The following GRID1 variants were observed in gnomAD, a reference collection of about 807,000 sequenced individuals.
GRID1 encodes the protein glutamate ionotropic receptor delta type subunit 1, also known as glutamate receptor ionotropic, delta-1.
GRID1 carries 28 observed loss-of-function variants against 98.0 expected under a neutral mutation model. The observed-to-expected ratio is 0.29, with a 90% CI of 0.21 to 0.39. The LOEUF is 0.39. GRID1 is among the 10% of genes least tolerant of loss of function. The probability of loss-of-function intolerance (pLI) is 1.00; values close to 1 mark genes in which losing one functional copy is unlikely to be tolerated. For missense variants in GRID1, 1,111 were observed against 1,340.5 expected, an observed-to-expected ratio of 0.83 and a Z score of 2.67; for synonymous variants, 553 against 538.5, an observed-to-expected ratio of 1.03 and a Z score of -0.37.
intron 4 of GRID1, among the ~76,000 whole-genome samples, chr10:86,020,519 C>T (rs938939157): frequency 6.6e-6 from 1 of 152,232 alleles, no homozygotes; most frequent in Non-Finnish European, 1.5e-5. Flanking sequence ...TGCTTATTTG[C>T]TCAGTGACCT....
At chr10:86,320,916 G>A (rs1442040041) in intron 2 of GRID1, among the ~76,000 whole-genome samples, 3 of 151,930 alleles carry the variant, frequency 2.0e-5, no homozygotes, top group African/African-American at 4.8e-5. Context: ...TGGCTAACAC[G>A]GTGAAACCCC....
At chr10:86,144,729 TCTC>T (rs1564689133) in intron 3 of GRID1, among the ~76,000 whole-genome samples, 1 of 151,952 alleles carries the variant, frequency 6.6e-6, no homozygotes, top group Non-Finnish European at 1.5e-5. Context: ...CCGCTCCCCT[TCTC>T]CTCCTTCACA....
intron 3 of GRID1, among the ~76,000 whole-genome samples, chr10:86,148,552 T>C (rs1267429067): frequency 1.3e-5 from 2 of 152,178 alleles, no homozygotes; most frequent in Non-Finnish European, 2.9e-5. Flanking sequence ...TGTATAAATG[T>C]TGACTATAGT....
At chr10:86,053,990 A>C (rs1843539770) in intron 4 of GRID1, among the ~76,000 whole-genome samples, 2 of 152,222 alleles carry the variant, frequency 1.3e-5, no homozygotes, top group African/African-American at 2.4e-5. Flanking sequence ...CTTCTGCCTA[A>C]AATGGAACCT....
At chr10:85,915,931 C>T (rs1315833009) in intron 5 of GRID1, among the ~76,000 whole-genome samples, 1 of 152,184 alleles carries the variant, frequency 6.6e-6, no homozygotes. Context: ...CACACCTCAT[C>T]CCTGCCACCA....
intron 4 of GRID1, among the ~76,000 whole-genome samples, chr10:85,989,268 T>C (rs1353466101): frequency 1.3e-5 from 2 of 152,204 alleles, no homozygotes; most frequent in Non-Finnish European, 2.9e-5. Flanking sequence ...CTGTAGGAAT[T>C]AGCTTGCCCT....
chr10:85,959,559 G>A (rs1476262475), intron 4 of GRID1, among the ~76,000 whole-genome samples: 1 of 138,802 alleles, frequency 7.2e-6, no homozygotes, highest in Admixed American at 7.8e-5. Flanking sequence ...GGCAACCACT[G>A]GTCTGCTTTC....
chr10:85,906,180 G>A (rs1252981560), intron 5 of GRID1, among the ~76,000 whole-genome samples: 1 of 152,082 alleles, frequency 6.6e-6, no homozygotes, highest in East Asian at 1.9e-4. Flanking sequence ...CCTAATGATA[G>A]AGGGTTAATA....
At chr10:85,704,749 C>T (rs909406690) in intron 12 of GRID1, among the ~76,000 whole-genome samples, 5 of 152,154 alleles carry the variant, frequency 3.3e-5, no homozygotes, top group African/African-American at 7.2e-5. Flanking sequence ...TGTAAAAGAA[C>T]AGAAATTATA....
In GRID1 at chr10:85,952,844, C is replaced by T. The variant is rs182593028; in HGVS notation, c.727-36605G>A. Among the ~76,000 whole-genome samples the T allele has an allele frequency of 9.9e-4, 151 of 152,250 alleles. 1 individual carries two copies. The East Asian group carries it at 0.028, about 28-fold the overall frequency. ...CATTTACACTCAGATTTTCTTCTGC[C>T]TCTTCCACCCCTAGAGAGCAAGACC... On this transcript the variant is annotated intron_variant, in intron 4 of 15. Transcript: ENST00000327946.
Position 85,752,099 on chromosome 10 carries a change from C to T in GRID1, c.1234-22485G>A, listed in dbSNP as rs1221255114. 2.0e-5 allele frequency among the ~76,000 whole-genome samples: 3 copies of T among 152,160 alleles called. No individual in the cohort carries two copies. In the East Asian group the frequency reaches 5.8e-4, roughly 29 times the overall value. On this transcript the variant is annotated intron_variant, in intron 8 of 15. Transcript: ENST00000327946. ...CAAACTGTAGAAAGAGTCGATGACC[C>T]TCTTGAGTGTATCTTTATGAGCCTT...
intron 2 of GRID1, among the ~76,000 whole-genome samples, chr10:86,304,696 G>A (rs1266743507): frequency 1.3e-5 from 2 of 152,226 alleles, no homozygotes; most frequent in Non-Finnish European, 1.5e-5. Flanking sequence ...CAACACTCCT[G>A]TAAGATATGA....
intron 12 of GRID1, among the ~76,000 whole-genome samples, chr10:85,688,532 A>AGGGCCATC (rs1841294776): frequency 6.6e-6 from 1 of 152,122 alleles, no homozygotes; most frequent in Non-Finnish European, 1.5e-5. Flanking sequence ...GATAGATTTA[A>AGGGCCATC]ACACCCCCCA....
intron 4 of GRID1, among the ~76,000 whole-genome samples, chr10:86,080,547 T>C (rs567400202): frequency 2.0e-5 from 3 of 149,282 alleles, no homozygotes; most frequent in African/African-American, 7.4e-5. Context: ...AAGGAAGAAA[T>C]GGAGTAAGAT....
At chr10:86,179,084 T>G (rs370735138) in intron 3 of GRID1, among the ~76,000 whole-genome samples, 17 of 152,130 alleles carry the variant, frequency 1.1e-4, no homozygotes, top group South Asian at 4.2e-4. Context: ...CAAAGGTGTT[T>G]CCAGGCTCCA....
chr10:86,240,120 A>G (rs1299670189), intron 2 of GRID1, among the ~76,000 whole-genome samples: 1 of 152,210 alleles, frequency 6.6e-6, no homozygotes, highest in African/African-American at 2.4e-5. Context: ...CTGTGAGAAA[A>G]TAAATATCTG....
intron 4 of GRID1, among the ~76,000 whole-genome samples, chr10:86,014,831 T>C (rs1028067888): frequency 1.3e-5 from 2 of 152,198 alleles, no homozygotes; most frequent in African/African-American, 4.8e-5. Context: ...GCTGGCCTCT[T>C]ATCTGATTGG....
chr10:86,190,142 T>C (rs74150604), intron 3 of GRID1, among the ~76,000 whole-genome samples: 9,179 of 152,148 alleles, frequency 0.06, 560 homozygotes, highest in African/African-American at 0.15. Flanking sequence ...CACCATCTAG[T>C]CGCCCACCCC....
At position 85,854,535 on chromosome 10, in the gene GRID1, G is replaced by A. The variant is rs1245520999; in HGVS notation, c.1194C>T (p.Gly398=). 1 of 1,613,538 alleles carries A rather than the reference G, an allele frequency of 6.2e-7. No individual in the cohort carries two copies. The highest frequency in any genetic ancestry group is 8.5e-7 in the Non-Finnish European group (1 of 1,179,410). The change falls in exon 8 of 16, where the codon GGC becomes GGT. Residue 398 remains glycine (G), a synonymous_variant. Transcript: ENST00000327946. ...TGCCAAAAGTCTCACTATAGGTAGT[G>A]CCAAGGATTTCAAACTGGACATAGG... ...SNPYVQFEIL[G]TTYSETFGKD...
Sources: gnomAD v4.1 joint callset for allele counts (sites outside exome capture counted in the v4.1 genomes callset) on GRCh38, gnomAD v4.1.1 for gene constraint, MANE v1.5 for transcripts, NCBI Gene and HGNC (gene_info 2026-07-23, HGNC 2026-07-21) for gene names.